Variants in CD109 observed in about 807,000 individuals in gnomAD.
CD109 encodes the protein CD109 molecule.
A neutral mutation model predicts 165.8 loss-of-function variants in CD109; 149 were observed. The ratio of observed to expected loss-of-function variants is 0.90; its 90% confidence interval spans 0.79 to 1.03. The LOEUF (loss-of-function observed/expected upper bound fraction) is 1.03. CD109 is among the 50% of genes least tolerant of loss of function. CD109 has a pLI of 0.00. For synonymous variants in CD109, 585 were observed against 592.1 expected, an observed-to-expected ratio of 0.99 and a Z score of 0.18; for missense variants, 1,712 against 1,677.8, an observed-to-expected ratio of 1.02 and a Z score of -0.36.
chr6:73,760,018 C>T (rs1156585597), intron 7 of CD109, among the ~76,000 whole-genome samples: 1 of 152,060 alleles, frequency 6.6e-6, no homozygotes, highest in African/African-American at 2.4e-5. Context: ...CCGCCGTTTA[C>T]TGCTGTGATT....
chr6:73,780,572 A>G (rs1211449087), intron 16 of CD109, 74 bp downstream of exon 16: 1 of 939,372 alleles, frequency 1.1e-6, no homozygotes, highest in Non-Finnish European at 1.7e-6. Flanking sequence ...ATTAGTGATC[A>G]TTTTGAGATG....
At chr6:73,697,707 C>T in intron 2 of CD109, 135 bp downstream of exon 2, 1 of 640,158 alleles carries the variant, frequency 1.6e-6, no homozygotes, top group Non-Finnish European at 2.6e-6. Context: ...AATTCTCACT[C>T]ATGTAAAGTC....
At chr6:73,789,248 C>A (rs1346963116) in intron 22 of CD109, among the ~76,000 whole-genome samples, 1 of 152,158 alleles carries the variant, frequency 6.6e-6, no homozygotes, top group African/African-American at 2.4e-5. Flanking sequence ...TCACTGACTT[C>A]GGTCGCCTCT....
At chr6:73,732,672 C>G (rs1318109008) in intron 4 of CD109, among the ~76,000 whole-genome samples, 2 of 152,072 alleles carry the variant, frequency 1.3e-5, no homozygotes, top group Non-Finnish European at 2.9e-5. Context: ...AAAGTTAGCA[C>G]TGCATAAATT....
At chr6:73,787,127 C>T in intron 20 of CD109, 107 bp from the exon 21 acceptor site, 2 of 671,186 alleles carry the variant, frequency 3.0e-6, no homozygotes, top group South Asian at 3.9e-5. Context: ...CATCTTTTCG[C>T]TAGTCTTGAG....
chr6:73,772,749 T>C (rs1774087521), intron 15 of CD109, among the ~76,000 whole-genome samples: 1 of 152,054 alleles, frequency 6.6e-6, no homozygotes, highest in Non-Finnish European at 1.5e-5. Flanking sequence ...TGTCTATTAA[T>C]GGATTCAGTA....
upstream of CD109, chr6:73,694,989 C>G (rs1770770051): frequency 6.6e-6 from 1 of 152,228 alleles, no homozygotes; most frequent in Admixed American, 6.5e-5. Context: ...AAGGGTGGAA[C>G]AGGAAAGGGA....
intron 5 of CD109, among the ~76,000 whole-genome samples, chr6:73,738,967 T>C (rs1772648300): frequency 6.6e-6 from 1 of 152,204 alleles, no homozygotes; most frequent in Admixed American, 6.5e-5. Context: ...TCATCTCACT[T>C]TTAATTAGTG....
chr6:73,748,562 C>T (rs2150204424), intron 5 of CD109, among the ~76,000 whole-genome samples: 1 of 152,272 alleles, frequency 6.6e-6, no homozygotes, highest in South Asian at 2.1e-4. Context: ...GTTGTATTCC[C>T]ATTACACCTG....
chr6:73,714,634 G>A (rs989096764), intron 2 of CD109, among the ~76,000 whole-genome samples: 1 of 152,222 alleles, frequency 6.6e-6, no homozygotes, highest in Non-Finnish European at 1.5e-5. Flanking sequence ...TGTCAAAACT[G>A]TGTAGTGTGA....
intron 31 of CD109, among the ~76,000 whole-genome samples, chr6:73,819,762 G>C (rs1170777527): frequency 6.6e-6 from 1 of 152,146 alleles, no homozygotes; most frequent in Non-Finnish European, 1.5e-5. Flanking sequence ...TTTGGAACTT[G>C]AAAAACAAAT....
At chr6:73,701,902 G>A (rs1228015690) in intron 2 of CD109, among the ~76,000 whole-genome samples, 2 of 152,080 alleles carry the variant, frequency 1.3e-5, no homozygotes, top group African/African-American at 2.4e-5. Flanking sequence ...ACAACACAGT[G>A]AAATTCTATC....
At chr6:73,769,828 C>G (rs1403331716) in intron 14 of CD109, among the ~76,000 whole-genome samples, 2 of 152,118 alleles carry the variant, frequency 1.3e-5, no homozygotes, top group Non-Finnish European at 2.9e-5. Context: ...CTCCCCCATG[C>G]TTTAGTGTGT....
chr6:73,778,821 T>A (rs1445669577), intron 15 of CD109, among the ~76,000 whole-genome samples: 1 of 152,186 alleles, frequency 6.6e-6, no homozygotes, highest in Non-Finnish European at 1.5e-5. Context: ...TGATTTTTAA[T>A]TCTGACTTTG....
At chr6:73,819,507 G>A (rs967812720) in intron 31 of CD109, among the ~76,000 whole-genome samples, 1 of 152,106 alleles carries the variant, frequency 6.6e-6, no homozygotes, top group African/African-American at 2.4e-5. Context: ...ATATTACATG[G>A]GTGGGTTTGT....
chr6:73,706,910 ATAT>A (rs2150151414), intron 2 of CD109, among the ~76,000 whole-genome samples: 1 of 152,382 alleles, frequency 6.6e-6, no homozygotes, highest in South Asian at 2.1e-4. Context: ...TCACTGCAAT[ATAT>A]GTTAAAGCTC....
intron 2 of CD109, among the ~76,000 whole-genome samples, chr6:73,713,329 C>T (rs868024414): frequency 3.9e-5 from 6 of 152,172 alleles, no homozygotes; most frequent in African/African-American, 1.4e-4. Flanking sequence ...TCCTCTGAGT[C>T]GCTCCCTGGA....
At chr6:73,721,560 T>C (rs1003976183) in intron 2 of CD109, among the ~76,000 whole-genome samples, 15 of 151,756 alleles carry the variant, frequency 9.9e-5, no homozygotes, top group African/African-American at 3.6e-4. Context: ...GAGATGGGGT[T>C]TCACCATGTT....
chr6:73,760,036 T>A (rs1039067429), intron 7 of CD109, among the ~76,000 whole-genome samples: 9 of 152,138 alleles, frequency 5.9e-5, no homozygotes, highest in Admixed American at 5.9e-4. Context: ...ATTTATAGAC[T>A]GCAAAGCAAA....
Sources: allele counts gnomAD v4.1 joint callset (sites outside exome capture counted in the v4.1 genomes callset), GRCh38; gene constraint gnomAD v4.1.1; transcripts MANE v1.5; gene names NCBI Gene and HGNC (gene_info 2026-07-23, HGNC 2026-07-21).